OR51B5: variants seen among roughly 807,000 people sequenced by gnomAD.
OR51B5 encodes olfactory receptor family 51 subfamily B member 5.
For synonymous variants in OR51B5, 186 were observed against 144.8 expected (o/e 1.28, Z -2.04); for missense variants, 456 against 374.6 (o/e 1.22, Z -1.79).
chr11:5,350,802 T>G (rs577089595), intron 1 of OR51B5, among the ~76,000 whole-genome samples: 2 of 152,184 alleles, frequency 1.3e-5, no homozygotes, highest in Non-Finnish European at 1.5e-5. Context: ...GTTATAAAGC[T>G]GGGCAACTTA....
At chr11:5,429,878 A>C (rs1304855217) in intron 1 of OR51B5, among the ~76,000 whole-genome samples, 1 of 152,182 alleles carries the variant, frequency 6.6e-6, no homozygotes, top group East Asian at 1.9e-4. Flanking sequence ...GATTCTTAGA[A>C]TCTGTAGCCT....
chr11:5,478,540 G>T (rs1262837730), intron 1 of OR51B5, among the ~76,000 whole-genome samples: 1 of 145,934 alleles, frequency 6.9e-6, no homozygotes. Context: ...AGAGAAGAAG[G>T]CTTCAGACGA....
intron 1 of OR51B5, chr11:5,489,060 A>G: frequency 6.2e-7 from 1 of 1,614,018 alleles, no homozygotes. Context: ...CCTCAATTCT[A>G]CTTGCCATGG....
At chr11:5,364,045 G>C (rs184607944) in intron 1 of OR51B5, among the ~76,000 whole-genome samples, 40 of 152,260 alleles carry the variant, frequency 2.6e-4, no homozygotes, top group Admixed American at 1.2e-3. Flanking sequence ...ATGTGATGTG[G>C]ACCTCTGAGC....
chr11:5,470,462 T>G (rs1169735954), intron 1 of OR51B5, among the ~76,000 whole-genome samples: 1 of 152,212 alleles, frequency 6.6e-6, no homozygotes, highest in Non-Finnish European at 1.5e-5. Context: ...CTACCCATAA[T>G]GTCCTCCATG....
intron 1 of OR51B5, among the ~76,000 whole-genome samples, chr11:5,405,121 A>G (rs761062197): frequency 5.3e-5 from 8 of 152,332 alleles, no homozygotes; most frequent in Non-Finnish European, 8.8e-5. Flanking sequence ...AATGATGTAA[A>G]GCGTTTATAC....
chr11:5,353,672 T>C (rs186872323), intron 1 of OR51B5, among the ~76,000 whole-genome samples: 1 of 152,336 alleles, frequency 6.6e-6, no homozygotes, highest in Admixed American at 6.5e-5. Context: ...AAGAAAGATA[T>C]TCTTTTGACC....
chr11:5,352,879 TTA>T (rs1442427550), intron 1 of OR51B5, among the ~76,000 whole-genome samples: 1 of 147,578 alleles, frequency 6.8e-6, no homozygotes, highest in Non-Finnish European at 1.5e-5. Flanking sequence ...CTGTGTGTGT[TTA>T]TATATATTAT....
intron 1 of OR51B5, chr11:5,389,713 C>G: frequency 4.3e-6 from 7 of 1,613,884 alleles, no homozygotes; most frequent in Non-Finnish European, 5.9e-6. Flanking sequence ...ATAGTATCTA[C>G]TTTGGAGCGT....
At chr11:5,358,369 A>G (rs1203570717) in intron 1 of OR51B5, among the ~76,000 whole-genome samples, 1 of 152,244 alleles carries the variant, frequency 6.6e-6, no homozygotes, top group East Asian at 1.9e-4. Flanking sequence ...AAACACCTCT[A>G]CACAAATAAA....
At chr11:5,366,829 A>G (rs1005710812) in intron 1 of OR51B5, among the ~76,000 whole-genome samples, 2 of 152,192 alleles carry the variant, frequency 1.3e-5, no homozygotes, top group African/African-American at 4.8e-5. Flanking sequence ...ACTAATTCCA[A>G]TCCCAAGCAC....
chr11:5,375,413 A>T (rs1589961277), intron 1 of OR51B5, among the ~76,000 whole-genome samples: 1 of 142,622 alleles, frequency 7.0e-6, no homozygotes, highest in Non-Finnish European at 1.6e-5. Flanking sequence ...GACTAGGAAG[A>T]AACTGCATCA....
At chr11:5,344,650 A>C (rs1215825113), upstream of OR51B5, among the ~76,000 whole-genome samples, 1 of 152,206 alleles carries the variant, frequency 6.6e-6, no homozygotes, top group African/African-American at 2.4e-5. Context: ...AACACCTTGC[A>C]AAGTATCTAA....
intron 1 of OR51B5, chr11:5,391,775 CA>C (rs11292280): frequency 0.79 from 119,204 of 151,676 alleles, 47,220 homozygotes; most frequent in Middle Eastern, 0.83. Flanking sequence ...GCTATAATCC[CA>C]GCACTTTGGG....
intron 1 of OR51B5, chr11:5,455,074 G>A (rs1251539388): frequency 1.3e-5 from 2 of 152,174 alleles, no homozygotes; most frequent in Non-Finnish European, 2.9e-5. Flanking sequence ...ACCATAAAAT[G>A]TATGAACAAA....
intron 1 of OR51B5, among the ~76,000 whole-genome samples, chr11:5,369,410 A>G (rs1163697579): frequency 6.6e-6 from 1 of 152,180 alleles, no homozygotes; most frequent in Non-Finnish European, 1.5e-5. Flanking sequence ...GGAGAATTAC[A>G]TCTATTATAC....
At chr11:5,417,173 G>C (rs1372385339) in intron 1 of OR51B5, among the ~76,000 whole-genome samples, 1 of 151,968 alleles carries the variant, frequency 6.6e-6, no homozygotes, top group Non-Finnish European at 1.5e-5. Flanking sequence ...AACAAGCAAT[G>C]GGAAAGGATT....
At chr11:5,407,491 AC>A (rs1184411492) in intron 1 of OR51B5, among the ~76,000 whole-genome samples, 1 of 152,140 alleles carries the variant, frequency 6.6e-6, no homozygotes, top group East Asian at 1.9e-4. Flanking sequence ...ATCAGTTGTC[AC>A]ACACATCCAT....
chr11:5,393,910 G>A (rs139386885), intron 1 of OR51B5, among the ~76,000 whole-genome samples: 174 of 152,158 alleles, frequency 1.1e-3, no homozygotes, highest in Non-Finnish European at 2.0e-3. Context: ...AGGACCACTC[G>A]TTTCAGGGCC....
Sources: gnomAD v4.1 joint callset for allele counts (sites outside exome capture counted in the v4.1 genomes callset) on GRCh38, gnomAD v4.1.1 for gene constraint, MANE v1.5 for transcripts, NCBI Gene and HGNC (gene_info 2026-07-23, HGNC 2026-07-21) for gene names.